DPH6: variants seen among roughly 807,000 people sequenced by gnomAD.
DPH6 encodes diphthamine biosynthesis 6, also known as diphthine--ammonia ligase.
Under a neutral mutation model 38.2 loss-of-function variants are expected in DPH6, and 33 were observed. The observed-to-expected ratio is 0.86, with a 90% CI of 0.65 to 1.15. The LOEUF (loss-of-function observed/expected upper bound fraction) is 1.15, where lower values mean the gene tolerates loss of function less well. DPH6 is among the 50% of genes most tolerant of loss of function. The pLI is 0.00. For missense variants in DPH6, 325 were observed against 320.0 expected, an observed-to-expected ratio of 1.02 and a Z score of -0.12; for synonymous variants, 108 against 103.0, an observed-to-expected ratio of 1.05 and a Z score of -0.30.
chr15:35,250,017 T>C (rs1348304835), intron 3 of DPH6, among the ~76,000 whole-genome samples: 2 of 132,906 alleles, frequency 1.5e-5, no homozygotes, highest in African/African-American at 5.2e-5. Flanking sequence ...TAAAAAAAAA[T>C]TAGCCGGGCG....
At chr15:35,259,430 G>C (rs923774842) in intron 3 of DPH6, among the ~76,000 whole-genome samples, 1 of 152,098 alleles carries the variant, frequency 6.6e-6, no homozygotes, top group Non-Finnish European at 1.5e-5. Context: ...ATATAAAAAA[G>C]TATGCATTCC....
chr15:35,510,417 T>C (rs1056505944), intron 3 of DPH6, among the ~76,000 whole-genome samples: 2 of 152,202 alleles, frequency 1.3e-5, no homozygotes, highest in African/African-American at 4.8e-5. Context: ...GATTTCTTTA[T>C]TTAAAAGACA....
chr15:35,491,433 A>G (rs75087590), intron 3 of DPH6, among the ~76,000 whole-genome samples: 3,052 of 152,034 alleles, frequency 0.02, 43 homozygotes, highest in South Asian at 0.066. Context: ...CTGTTAAGTT[A>G]TTCTCATGAA....
At chr15:35,374,023 T>C (rs772537735) in intron 7 of DPH6, among the ~76,000 whole-genome samples, 9 of 152,028 alleles carry the variant, frequency 5.9e-5, no homozygotes, top group Non-Finnish European at 1.2e-4. Context: ...AAAATCTCAA[T>C]TATCCTTCAC....
At chr15:35,288,664 T>G (rs2051959520) in intron 3 of DPH6, among the ~76,000 whole-genome samples, 1 of 152,196 alleles carries the variant, frequency 6.6e-6, no homozygotes, top group African/African-American at 2.4e-5. Flanking sequence ...GATGCATCGC[T>G]CTATCAACCC....
chr15:35,222,892 T>A (rs2051452126), intron 3 of DPH6, among the ~76,000 whole-genome samples: 1 of 152,150 alleles, frequency 6.6e-6, no homozygotes, highest in African/African-American at 2.4e-5. Flanking sequence ...GGCAGGTAAG[T>A]AGCTTTTTAA....
chr15:35,262,705 C>CAAAAAAAAAAA (rs58580024), intron 3 of DPH6, among the ~76,000 whole-genome samples: 24 of 82,626 alleles, frequency 2.9e-4, no homozygotes, highest in African/African-American at 1.5e-3. Flanking sequence ...GACTCCGTCT[C>CAAAAAAAAAAA]AAAAAAAAAA....
At chr15:35,171,830 C>T in the DPH6 span, among the ~76,000 whole-genome samples, 1,460 of 151,640 alleles carry the variant, frequency 9.6e-3, 9 homozygotes, top group South Asian at 0.036. Context: ...CACACATAGC[C>T]TGAAAATAGT....
intron 3 of DPH6, among the ~76,000 whole-genome samples, chr15:35,333,989 T>C (rs576354951): frequency 3.9e-4 from 60 of 152,192 alleles, no homozygotes; most frequent in Middle Eastern, 6.8e-3. Flanking sequence ...ATGGATGGAA[T>C]TGGAAGCCAT....
chr15:35,542,398 A>C lies in DPH6; in HGVS notation c.118+15T>G. The C allele has an allele frequency of 6.5e-7, 1 of 1,536,388 alleles. No individual in the cohort carries two copies. The highest frequency in any genetic ancestry group is 1.2e-5 in the South Asian group (1 of 82,494). ...CATTCATTTAGGCAACTTCCCAATAAAGGCATGTACTTACCTTGGTTTTCA... is the reference window on the plus strand; with the variant it reads ...CATTCATTTAGGCAACTTCCCAATACAGGCATGTACTTACCTTGGTTTTCA... On this transcript the variant is annotated intron_variant, in intron 2 of 8. Coordinates refer to ENST00000256538, the MANE Select transcript of DPH6 (RefSeq NM_080650.4).
At chr15:35,349,895 T>G (rs2052495212) in intron 3 of DPH6, among the ~76,000 whole-genome samples, 1 of 152,198 alleles carries the variant, frequency 6.6e-6, no homozygotes, top group African/African-American at 2.4e-5. Flanking sequence ...TCGACATTCA[T>G]CAGGGATATT....
At chr15:35,542,849 T>TA (rs2055275593) in intron 1 of DPH6, among the ~76,000 whole-genome samples, 1 of 143,760 alleles carries the variant, frequency 7.0e-6, no homozygotes, top group Non-Finnish European at 1.5e-5. Context: ...TATATAATTA[T>TA]ATATGAAATA....
At chr15:35,255,207 C>A (rs532204673) in intron 3 of DPH6, among the ~76,000 whole-genome samples, 14 of 152,222 alleles carry the variant, frequency 9.2e-5, no homozygotes, top group African/African-American at 3.4e-4. Flanking sequence ...AGCCGAAGAA[C>A]CATTATGACG....
chr15:35,360,578 A>T (rs1374493996), intron 3 of DPH6, among the ~76,000 whole-genome samples: 1 of 152,162 alleles, frequency 6.6e-6, no homozygotes, highest in Non-Finnish European at 1.5e-5. Flanking sequence ...TGAAGGTAAC[A>T]TATGTGGGTA....
downstream of DPH6, among the ~76,000 whole-genome samples, chr15:35,367,925 T>C (rs2052674947): frequency 6.6e-6 from 1 of 151,848 alleles, no homozygotes; most frequent in Non-Finnish European, 1.5e-5. Context: ...CCTGTAAGAT[T>C]CTTTATGAAT....
At chr15:35,145,219 T>G in the DPH6 span, among the ~76,000 whole-genome samples, 1 of 152,334 alleles carries the variant, frequency 6.6e-6, no homozygotes, top group South Asian at 2.1e-4. Context: ...CTTTTTACAT[T>G]ACGATGAATT....
chr15:35,449,578 C>A (rs564657359), intron 5 of DPH6, among the ~76,000 whole-genome samples: 1 of 151,880 alleles, frequency 6.6e-6, no homozygotes, highest in South Asian at 2.1e-4. Context: ...GAGTGAGAGA[C>A]AAAGAAAAAG....
the DPH6 span, among the ~76,000 whole-genome samples, chr15:35,161,193 C>T: frequency 1.3e-5 from 2 of 151,952 alleles, no homozygotes; most frequent in Admixed American, 1.3e-4. Context: ...ACTATTCTTT[C>T]TTTGGTTTCT....
intron 3 of DPH6, chr15:35,489,707 G>T: frequency 5.1e-6 from 5 of 976,574 alleles, no homozygotes; most frequent in Non-Finnish European, 6.1e-6. Context: ...AATAATAAAA[G>T]GTTAGATATT....
Sources: allele counts gnomAD v4.1 joint callset (sites outside exome capture counted in the v4.1 genomes callset), GRCh38; gene constraint gnomAD v4.1.1; transcripts MANE v1.5; gene names NCBI Gene and HGNC (gene_info 2026-07-23, HGNC 2026-07-21).